SPAG16: variants seen among roughly 807,000 people sequenced by gnomAD.
SPAG16 encodes sperm associated antigen 16.
SPAG16 carries 86 observed loss-of-function variants against 80.4 expected under a neutral mutation model. The observed-to-expected ratio is 1.07, with a 90% CI of 0.90 to 1.28. The LOEUF is 1.28. SPAG16 is among the 50% of genes most tolerant of loss of function. The probability of loss-of-function intolerance (pLI) is 0.00; values close to 1 mark genes in which losing one functional copy is unlikely to be tolerated. For synonymous variants in SPAG16, 294 were observed against 265.9 expected (o/e 1.11, Z -1.03); for missense variants, 870 against 765.3 (o/e 1.14, Z -1.61).
intron 14 of SPAG16, among the ~76,000 whole-genome samples, chr2:214,126,372 C>G (rs1009100901): frequency 5.9e-5 from 9 of 151,470 alleles, no homozygotes; most frequent in Non-Finnish European, 1.2e-4. Context: ...TTCCAATTTC[C>G]TTCATTTCAA....
intron 10 of SPAG16, among the ~76,000 whole-genome samples, chr2:213,741,464 T>C (rs2067550541): frequency 6.6e-6 from 1 of 152,070 alleles, no homozygotes; most frequent in Non-Finnish European, 1.5e-5. Flanking sequence ...TGAGTTAACC[T>C]TACCTGTTGA....
chr2:213,455,702 A>T (rs775487915), intron 9 of SPAG16, among the ~76,000 whole-genome samples: 55 of 152,166 alleles, frequency 3.6e-4, no homozygotes, highest in Non-Finnish European at 6.0e-4. Context: ...AGTTCACAAT[A>T]GGGTTTGCGC....
At chr2:213,575,780 T>C (rs1010297271) in intron 10 of SPAG16, among the ~76,000 whole-genome samples, 3 of 152,286 alleles carry the variant, frequency 2.0e-5, no homozygotes, top group Non-Finnish European at 4.4e-5. Context: ...TATAGCTCAA[T>C]TGTAGGATTA....
chr2:213,322,819 A>G (rs2063680580), intron 5 of SPAG16, among the ~76,000 whole-genome samples: 1 of 152,134 alleles, frequency 6.6e-6, no homozygotes, highest in African/African-American at 2.4e-5. Flanking sequence ...GAAGAGACTG[A>G]GGGAAAAAGC....
At chr2:214,409,287 C>T (rs892231703) in intron 15 of SPAG16, among the ~76,000 whole-genome samples, 1 of 151,822 alleles carries the variant, frequency 6.6e-6, no homozygotes, top group African/African-American at 2.4e-5. Flanking sequence ...ATTAAATAAT[C>T]CCATGGATAG....
intron 13 of SPAG16, among the ~76,000 whole-genome samples, chr2:214,018,922 A>G (rs2047722243): frequency 6.6e-6 from 1 of 152,172 alleles, no homozygotes; most frequent in Admixed American, 6.6e-5. Flanking sequence ...TTTCCAAGTC[A>G]ACTGGACATA....
intron 11 of SPAG16, among the ~76,000 whole-genome samples, chr2:213,890,283 A>C (rs1167662418): frequency 6.6e-6 from 1 of 152,084 alleles, no homozygotes; most frequent in Non-Finnish European, 1.5e-5. Flanking sequence ...TAAATAGAGA[A>C]ACCATTGTGT....
At chr2:213,342,290 T>C (rs1236861108) in intron 6 of SPAG16, among the ~76,000 whole-genome samples, 1 of 148,288 alleles carries the variant, frequency 6.7e-6, no homozygotes, top group East Asian at 1.9e-4. Flanking sequence ...CATATGTATA[T>C]ATATATGACA....
chr2:213,839,109 A>G (rs1388241592), intron 10 of SPAG16, among the ~76,000 whole-genome samples: 1 of 152,228 alleles, frequency 6.6e-6, no homozygotes, highest in African/African-American at 2.4e-5. Context: ...ACTGTGAACT[A>G]CACATTTAAA....
At chr2:213,799,995 T>C (rs2071283112) in intron 10 of SPAG16, among the ~76,000 whole-genome samples, 1 of 151,480 alleles carries the variant, frequency 6.6e-6, no homozygotes, top group African/African-American at 2.4e-5. Context: ...TGTTTTCAGC[T>C]CTCACACTGT....
chr2:214,173,792 A>G (rs2125642490), intron 15 of SPAG16, among the ~76,000 whole-genome samples: 1 of 152,156 alleles, frequency 6.6e-6, no homozygotes, highest in East Asian at 1.9e-4. Context: ...TTTTAGACCA[A>G]TATCCTTGAT....
intron 15 of SPAG16, among the ~76,000 whole-genome samples, chr2:214,338,485 C>T (rs1697451362): frequency 6.6e-6 from 1 of 152,086 alleles, no homozygotes; most frequent in South Asian, 2.1e-4. Context: ...GCCTGGGCAA[C>T]AGAGCAAGAC....
intron 10 of SPAG16, among the ~76,000 whole-genome samples, chr2:213,832,068 C>G (rs1186427970): frequency 6.6e-6 from 1 of 152,050 alleles, no homozygotes; most frequent in African/African-American, 2.4e-5. Context: ...ACAATCTTGG[C>G]TCACTGCAAC....
chr2:214,319,893 T>A (rs1193448025), intron 15 of SPAG16, among the ~76,000 whole-genome samples: 1 of 152,124 alleles, frequency 6.6e-6, no homozygotes, highest in Non-Finnish European at 1.5e-5. Context: ...TCAAGCATTT[T>A]TCAGGATATG....
intron 10 of SPAG16, among the ~76,000 whole-genome samples, chr2:213,595,765 A>G (rs1475880054): frequency 1.3e-5 from 2 of 152,252 alleles, no homozygotes; most frequent in East Asian, 3.9e-4. Context: ...TTTACTTTAT[A>G]CTTTGGAAAT....
chr2:214,020,893 T>C (rs6753172), intron 13 of SPAG16, among the ~76,000 whole-genome samples: 15,380 of 152,234 alleles, frequency 0.1, 1,407 homozygotes, highest in African/African-American at 0.24. Context: ...ACTGCCCTTA[T>C]GTAGATTTGG....
intron 5 of SPAG16, among the ~76,000 whole-genome samples, chr2:213,338,837 G>A (rs183066850): frequency 7.9e-5 from 12 of 152,152 alleles, no homozygotes; most frequent in Admixed American, 7.2e-4. Flanking sequence ...ACAGGAAAGG[G>A]AACCACACAC....
intron 11 of SPAG16, among the ~76,000 whole-genome samples, chr2:213,919,149 A>T (rs1435201417): frequency 6.6e-6 from 1 of 151,828 alleles, no homozygotes; most frequent in Non-Finnish European, 1.5e-5. Context: ...TCCTTAGTTC[A>T]TCTCTGATTT....
chr2:213,310,315 CCACAACACACACA>C (rs1350480075), intron 4 of SPAG16, 138 bp downstream of exon 4: 1 of 451,976 alleles, frequency 2.2e-6, no homozygotes, highest in African/African-American at 2.2e-5. Flanking sequence ...AGCCCTGAAA[CCACAACACACACA>C]CACACACACA....
Sources: gnomAD v4.1 joint callset for allele counts (sites outside exome capture counted in the v4.1 genomes callset) on GRCh38, gnomAD v4.1.1 for gene constraint, MANE v1.5 for transcripts, NCBI Gene and HGNC (gene_info 2026-07-23, HGNC 2026-07-21) for gene names.